MEGF9: variants seen among roughly 807,000 people sequenced by gnomAD.
MEGF9 encodes multiple epidermal growth factor-like domains protein 9.
In MEGF9, 6 loss-of-function variants were observed where a neutral mutation model predicts 46.8. The ratio of observed to expected loss-of-function variants is 0.13; its 90% confidence interval spans 0.07 to 0.25. The LOEUF (loss-of-function observed/expected upper bound fraction) is 0.25. MEGF9 is among the 10% of genes least tolerant of loss of function. The probability of loss-of-function intolerance (pLI) is 1.00; values close to 1 mark genes in which losing one functional copy is unlikely to be tolerated. For synonymous variants in MEGF9, 302 were observed against 330.7 expected (o/e 0.91, Z 0.94); for missense variants, 683 against 792.4 (o/e 0.86, Z 1.66).
chr9:120,615,458 T>C (rs112064336), intron 3 of MEGF9, among the ~76,000 whole-genome samples: 49 of 152,064 alleles, frequency 3.2e-4, no homozygotes, highest in African/African-American at 1.1e-3. Context: ...AAGCCATTTA[T>C]ACCAGAATAT....
intron 2 of MEGF9, among the ~76,000 whole-genome samples, chr9:120,631,620 G>T (rs545071710): frequency 6.6e-6 from 1 of 151,856 alleles, no homozygotes; most frequent in East Asian, 2.0e-4. Flanking sequence ...GAGTAGCTGG[G>T]ATTACAGGTG....
At chr9:120,683,827 G>A (rs1272594691) in intron 1 of MEGF9, among the ~76,000 whole-genome samples, 2 of 151,998 alleles carry the variant, frequency 1.3e-5, no homozygotes, top group African/African-American at 4.8e-5. Context: ...CTGGGAAGTT[G>A]AGGCTGCAGT....
At chr9:120,655,896 T>C (rs980110315) in intron 2 of MEGF9, among the ~76,000 whole-genome samples, 21 of 152,364 alleles carry the variant, frequency 1.4e-4, no homozygotes, top group African/African-American at 4.8e-4. Context: ...CTACCAATTA[T>C]ATCTGGAATT....
At chr9:120,620,555 TATA>T (rs1418007565) in intron 3 of MEGF9, among the ~76,000 whole-genome samples, 1 of 152,176 alleles carries the variant, frequency 6.6e-6, no homozygotes, top group Non-Finnish European at 1.5e-5. Context: ...TGTGAGAGCA[TATA>T]ATAAGGAAAT....
At position 120,659,414 on chromosome 9, in the gene MEGF9, C is replaced by T. The variant is rs1210050079; in HGVS notation, c.763G>A (p.Asp255Asn). The T allele has an allele frequency of 2.5e-6, 4 of 1,613,738 alleles. No homozygotes were observed. Among genetic ancestry groups the T allele is most frequent in the Admixed American group, 3.3e-5 (2 of 59,982 alleles). ...CTGAGAGCTCCATGTGGACTACAGT[C>T]ACATGGCTGACAGAGCCCAGAAGTG... ...NYTSGLCQPC[D>N]CSPHGALSIP... Residue 255 changes from aspartate to asparagine, a missense_variant, in exon 2 of 6, where the codon GAC becomes AAC. By Grantham distance (23) the Asp-to-Asn change is conservative (BLOSUM62 1). Transcript: ENST00000373930.
At chr9:120,668,483 T>C (rs528339184) in intron 1 of MEGF9, among the ~76,000 whole-genome samples, 1 of 152,328 alleles carries the variant, frequency 6.6e-6, no homozygotes, top group African/African-American at 2.4e-5. Context: ...AACTTTAGGG[T>C]AGCCATATGA....
At chr9:120,673,387 T>G (rs895539994) in intron 1 of MEGF9, among the ~76,000 whole-genome samples, 7 of 152,158 alleles carry the variant, frequency 4.6e-5, no homozygotes, top group African/African-American at 1.7e-4. Flanking sequence ...ACAACAAAGC[T>G]GGAGGACTCA....
intron 3 of MEGF9, among the ~76,000 whole-genome samples, chr9:120,620,525 T>A (rs1409320673): frequency 6.6e-6 from 1 of 152,268 alleles, no homozygotes; most frequent in Admixed American, 6.5e-5. Context: ...TGAAAAGTGC[T>A]ATGAAAAAAT....
intron 2 of MEGF9, among the ~76,000 whole-genome samples, chr9:120,630,147 C>G (rs544320918): frequency 1.3e-5 from 2 of 152,206 alleles, no homozygotes; most frequent in Admixed American, 1.3e-4. Context: ...TATATGTATA[C>G]TTTCATATCT....
chr9:120,672,463 A>AATAAATAAATAG (rs886274607), intron 1 of MEGF9, among the ~76,000 whole-genome samples: 2 of 150,810 alleles, frequency 1.3e-5, no homozygotes, highest in African/African-American at 4.9e-5. Context: ...TAAATAAATA[A>AATAAATAAATAG]ATAAATAAAA....
chr9:120,611,226 CAGGAATTCCACTCCT>C (rs1161414122), intron 4 of MEGF9, among the ~76,000 whole-genome samples: 2 of 152,100 alleles, frequency 1.3e-5, no homozygotes, highest in East Asian at 3.9e-4. Context: ...CTACAGGACC[CAGGAATTCCACTCCT>C]AGGTATACAC....
At chr9:120,637,294 G>A (rs1422968894) in intron 2 of MEGF9, among the ~76,000 whole-genome samples, 2 of 152,050 alleles carry the variant, frequency 1.3e-5, no homozygotes, top group Non-Finnish European at 2.9e-5. Flanking sequence ...GTGGAAGGCC[G>A]CAGGGTCCTC....
intron 3 of MEGF9, among the ~76,000 whole-genome samples, chr9:120,621,295 A>G (rs1390033424): frequency 6.6e-6 from 1 of 152,126 alleles, no homozygotes; most frequent in Non-Finnish European, 1.5e-5. Context: ...TTAGATCTCC[A>G]ATTACATTTA....
chr9:120,622,417 C>CTTTTTTTTTTT (rs59380409), intron 3 of MEGF9, among the ~76,000 whole-genome samples, 199 bp downstream of exon 3: 5 of 101,188 alleles, frequency 4.9e-5, no homozygotes, highest in African/African-American at 7.2e-5. Flanking sequence ...AGGTATATGA[C>CTTTTTTTTTTT]TTTTTTTTTT....
At chr9:120,614,181 G>A (rs1271147362) in intron 3 of MEGF9, among the ~76,000 whole-genome samples, 2 of 152,018 alleles carry the variant, frequency 1.3e-5, no homozygotes, top group East Asian at 1.9e-4. Context: ...ATGTCACCAC[G>A]CCTGGCTAAT....
At chr9:120,622,479 G>A (rs912536673) in intron 3 of MEGF9, 137 bp downstream of exon 3, 4 of 463,686 alleles carry the variant, frequency 8.6e-6, no homozygotes, top group Non-Finnish European at 9.6e-6. Context: ...AGTTTGGCTT[G>A]CTGTGATCTA....
chr9:120,664,014 G>A (rs374526613), intron 1 of MEGF9, among the ~76,000 whole-genome samples: 13 of 152,198 alleles, frequency 8.5e-5, no homozygotes, highest in Non-Finnish European at 1.5e-4. Context: ...ATCAAATCCT[G>A]CACTTTTTCA....
chr9:120,633,310 G>T (rs572082356), intron 2 of MEGF9, among the ~76,000 whole-genome samples: 2 of 152,164 alleles, frequency 1.3e-5, no homozygotes, highest in East Asian at 1.9e-4. Context: ...TCCTGATTCA[G>T]TCTTGGTAGC....
At chr9:120,660,915 G>A (rs2043699246) in intron 1 of MEGF9, among the ~76,000 whole-genome samples, 1 of 152,024 alleles carries the variant, frequency 6.6e-6, no homozygotes, top group African/African-American at 2.4e-5. Flanking sequence ...GTTTAGCTTG[G>A]AAAAAATAAT....
Sources: gnomAD v4.1 joint callset for allele counts (sites outside exome capture counted in the v4.1 genomes callset) on GRCh38, gnomAD v4.1.1 for gene constraint, MANE v1.5 for transcripts, NCBI Gene and HGNC (gene_info 2026-07-23, HGNC 2026-07-21) for gene names.